Variants in ZRANB3 observed in about 807,000 individuals in gnomAD.
ZRANB3 encodes DNA annealing helicase and endonuclease ZRANB3.
Under a neutral mutation model 133.8 loss-of-function variants are expected in ZRANB3, and 125 were observed. The observed-to-expected ratio is 0.93, with a 90% CI of 0.81 to 1.08. The LOEUF is 1.08. Ranked by LOEUF, ZRANB3 falls within the 50% of genes least tolerant of loss-of-function variation. The pLI, the probability that ZRANB3 is intolerant of heterozygous loss-of-function variation, is 0.00. For synonymous variants in ZRANB3, 387 were observed against 432.7 expected (o/e 0.89, Z 1.31); for missense variants, 1,229 against 1,275.5 (o/e 0.96, Z 0.56).
chr2:135,422,571 G>T (rs1688909838), intron 2 of ZRANB3, among the ~76,000 whole-genome samples: 1 of 152,112 alleles, frequency 6.6e-6, no homozygotes, highest in African/African-American at 2.4e-5. Context: ...GTGGAAAGGA[G>T]ATGAACACTT....
intron 2 of ZRANB3, among the ~76,000 whole-genome samples, chr2:135,487,459 A>T (rs1692174321): frequency 6.6e-6 from 1 of 152,200 alleles, no homozygotes; most frequent in Admixed American, 6.5e-5. Context: ...CTCTCTAATT[A>T]TGAAAGTTTT....
In ZRANB3 at chr2:135,353,548, A is replaced by G. The variant is rs760607003; in HGVS notation, c.261T>C (p.Pro87=). Residue 87 remains proline (P), a synonymous_variant, in exon 4 of 21, where the codon CCT becomes CCC. Coordinates refer to ENST00000264159, the MANE Select transcript of ZRANB3 (RefSeq NM_032143.4). ...CTGTCCAAGGGTACCTCAGAGACGA[A>G]GGGACCACTATTAACAGAGGCCATT... The part of the protein sequence containing the change: ...KEEWPLLIVV[P]SSLRYPWTEE... 1.2e-6 allele frequency: 2 copies of G among 1,610,550 alleles called. No homozygotes were observed. Among genetic ancestry groups the G allele is most frequent in the East Asian group, 2.2e-5 (1 of 44,658 alleles).
At chr2:135,438,803 G>C (rs1190490256) in intron 2 of ZRANB3, among the ~76,000 whole-genome samples, 1 of 152,118 alleles carries the variant, frequency 6.6e-6, no homozygotes, top group Non-Finnish European at 1.5e-5. Context: ...TCTGAGGCCA[G>C]AACACTGGGC....
chr2:135,474,465 C>T (rs1427317132), intron 2 of ZRANB3, among the ~76,000 whole-genome samples: 1 of 152,110 alleles, frequency 6.6e-6, no homozygotes, highest in East Asian at 1.9e-4. Context: ...GTGCCCTCCC[C>T]ACAGTTAGAA....
At position 135,313,515 on chromosome 2, in the gene ZRANB3, T is replaced by C. The variant is rs1249725051; in HGVS notation, c.940A>G (p.Met314Val). Residue 314 changes from methionine to valine, a missense_variant, in exon 8 of 21, where the codon ATG (methionine) becomes GTG (valine). Met to Val is a conservative substitution (Grantham distance 21). Transcript: ENST00000264159. ...METVMGLITR[M>V]FKQTAIAKAG... is the part of the protein sequence containing the mutation. ...TTGGCAATAGCAGTTTGTTTAAACA[T>C]GCGAGTTATCAACCCCATGACTGTC... 5.0e-6 allele frequency: 8 copies of C among 1,613,216 alleles called. No homozygotes were observed. Among genetic ancestry groups the C allele is most frequent in the South Asian group, 4.4e-5 (4 of 90,840 alleles).
intron 17 of ZRANB3, among the ~76,000 whole-genome samples, chr2:135,213,272 A>C (rs1694177038): frequency 6.6e-6 from 1 of 152,086 alleles, no homozygotes; most frequent in African/African-American, 2.4e-5. Flanking sequence ...CTTTATCTCT[A>C]CTGAGCCTGA....
intron 2 of ZRANB3, among the ~76,000 whole-genome samples, chr2:135,425,848 C>T (rs1403347649): frequency 6.6e-6 from 1 of 150,756 alleles, no homozygotes; most frequent in East Asian, 1.9e-4. Flanking sequence ...AAAGTCAGAG[C>T]TGAATTGAAG....
intron 6 of ZRANB3, among the ~76,000 whole-genome samples, chr2:135,323,248 T>C (rs938963719): frequency 6.6e-6 from 1 of 152,132 alleles, no homozygotes; most frequent in African/African-American, 2.4e-5. Flanking sequence ...GGGGGAAAAT[T>C]TACAACACTC....
intron 14 of ZRANB3, among the ~76,000 whole-genome samples, chr2:135,226,836 G>A (rs1204607606): frequency 7.8e-6 from 1 of 128,740 alleles, no homozygotes; most frequent in East Asian, 2.4e-4. Flanking sequence ...ACACAAAAGA[G>A]TATAACCCAC....
chr2:135,219,529 T>C (rs1004354044), intron 15 of ZRANB3, among the ~76,000 whole-genome samples: 2 of 152,256 alleles, frequency 1.3e-5, no homozygotes, highest in African/African-American at 4.8e-5. Flanking sequence ...CAAATTAATA[T>C]AGAAGAATAT....
intron 2 of ZRANB3, among the ~76,000 whole-genome samples, chr2:135,492,491 G>A (rs1460283969): frequency 6.6e-6 from 1 of 152,130 alleles, no homozygotes; most frequent in Non-Finnish European, 1.5e-5. Flanking sequence ...CAGAATGAAT[G>A]AAGACTTAAC....
intron 12 of ZRANB3, among the ~76,000 whole-genome samples, chr2:135,251,296 C>T (rs1371835639): frequency 6.6e-6 from 1 of 152,178 alleles, no homozygotes; most frequent in Non-Finnish European, 1.5e-5. Context: ...TTTATAGGCT[C>T]ATAGGCAGAA....
intron 6 of ZRANB3, among the ~76,000 whole-genome samples, chr2:135,340,640 T>C (rs943848242): frequency 2.0e-5 from 3 of 152,050 alleles, no homozygotes; most frequent in African/African-American, 4.8e-5. Flanking sequence ...GGTCAGGAGT[T>C]CAAGACCAGC....
intron 11 of ZRANB3, among the ~76,000 whole-genome samples, chr2:135,266,483 G>A (rs1417167043): frequency 6.6e-6 from 1 of 151,674 alleles, no homozygotes; most frequent in African/African-American, 2.4e-5. Flanking sequence ...AGTCTAATAA[G>A]AGGCCAGGAG....
At chr2:135,415,519 A>T (rs1199244858) in intron 2 of ZRANB3, among the ~76,000 whole-genome samples, 10 of 152,206 alleles carry the variant, frequency 6.6e-5, no homozygotes, top group African/African-American at 1.2e-4. Flanking sequence ...GCCGAATTCT[A>T]CCAGAGGTAC....
intron 2 of ZRANB3, among the ~76,000 whole-genome samples, chr2:135,443,538 AG>A (rs1689886127): frequency 2.6e-5 from 4 of 152,210 alleles, no homozygotes; most frequent in Admixed American, 2.0e-4. Context: ...ATTTAAAAAA[AG>A]AAAAAAAAAA....
At chr2:135,530,546 T>G (rs1163922583) in intron 1 of ZRANB3, 1 of 152,130 alleles carries the variant, frequency 6.6e-6, no homozygotes, top group Non-Finnish European at 1.5e-5. Flanking sequence ...CGCCGCAGAA[T>G]CTCCAACTCC....
At chr2:135,406,978 C>A (rs374886058) in intron 2 of ZRANB3, among the ~76,000 whole-genome samples, 1 of 152,084 alleles carries the variant, frequency 6.6e-6, no homozygotes, top group Non-Finnish European at 1.5e-5. Flanking sequence ...CCAGGGCAAT[C>A]AGGCAGGAGA....
At chr2:135,290,116 A>G (rs1206320964) in intron 8 of ZRANB3, among the ~76,000 whole-genome samples, 2 of 152,114 alleles carry the variant, frequency 1.3e-5, no homozygotes, top group African/African-American at 4.8e-5. Flanking sequence ...ATGTCCATTT[A>G]TTCTAGGGTA....
Sources: allele counts gnomAD v4.1 joint callset (sites outside exome capture counted in the v4.1 genomes callset), GRCh38; gene constraint gnomAD v4.1.1; transcripts MANE v1.5; gene names NCBI Gene and HGNC (gene_info 2026-07-23, HGNC 2026-07-21).